Variants in FBXL17 observed in about 807,000 individuals in gnomAD.
FBXL17 encodes the protein F-box and leucine rich repeat protein 17.
In FBXL17, 22 loss-of-function variants were observed where a neutral mutation model predicts 66.2. The observed-to-expected ratio is 0.33, with a 90% CI of 0.24 to 0.47. FBXL17 has a LOEUF of 0.47. Ranked by LOEUF, FBXL17 falls within the 20% of genes least tolerant of loss-of-function variation. The probability of loss-of-function intolerance (pLI) is 1.00; values close to 1 mark genes in which losing one functional copy is unlikely to be tolerated. For synonymous variants in FBXL17, 474 were observed against 400.5 expected (o/e 1.18, Z -2.19); for missense variants, 878 against 948.2 (o/e 0.93, Z 0.97).
chr5:107,995,147 A>T (rs1753420561), intron 7 of FBXL17, among the ~76,000 whole-genome samples: 1 of 152,210 alleles, frequency 6.6e-6, no homozygotes, highest in Admixed American at 6.5e-5. Context: ...AAGATTTTTA[A>T]AGCAGAAAAA....
At chr5:108,377,620 AT>A (rs1451334315) in intron 1 of FBXL17, among the ~76,000 whole-genome samples, 1 of 152,070 alleles carries the variant, frequency 6.6e-6, no homozygotes, top group Non-Finnish European at 1.5e-5. Flanking sequence ...TTTCTCAATG[AT>A]TTTCTTTGCT....
chr5:108,105,654 CATTT>C (rs1749767467), intron 6 of FBXL17, among the ~76,000 whole-genome samples: 2 of 152,190 alleles, frequency 1.3e-5, no homozygotes, highest in Non-Finnish European at 2.9e-5. Flanking sequence ...TTATCTACTT[CATTT>C]ATTATCCTAG....
At chr5:108,093,721 G>A (rs1749270845) in intron 6 of FBXL17, among the ~76,000 whole-genome samples, 1 of 152,120 alleles carries the variant, frequency 6.6e-6, no homozygotes, top group South Asian at 2.1e-4. Flanking sequence ...GCAGACCTCA[G>A]AATTAAGTGG....
intron 8 of FBXL17, among the ~76,000 whole-genome samples, chr5:107,873,741 T>C (rs1267720019): frequency 6.6e-6 from 1 of 152,188 alleles, no homozygotes; most frequent in Non-Finnish European, 1.5e-5. Flanking sequence ...AATAATATGA[T>C]CCTACAATCT....
At chr5:108,174,748 CA>C (rs34237156) in intron 6 of FBXL17, among the ~76,000 whole-genome samples, 32,326 of 92,134 alleles carry the variant, frequency 0.35, 3,996 homozygotes, top group East Asian at 0.51. Flanking sequence ...CACAAAGAAG[CA>C]AAAAAAAAAA....
At chr5:108,135,271 C>CT (rs1447819252) in intron 6 of FBXL17, among the ~76,000 whole-genome samples, 14 of 152,096 alleles carry the variant, frequency 9.2e-5, no homozygotes, top group Admixed American at 6.6e-5. Context: ...CAAAACACTC[C>CT]TTATAACAGC....
rs192994490 is a variant in FBXL17, at chr5:107,876,425, C to T, written c.1965+4612G>A. Among the ~76,000 whole-genome samples the T allele has an allele frequency of 1.8e-3, 273 of 152,310 alleles. 1 individual carries two copies. Among genetic ancestry groups the T allele is most frequent in the Admixed American group, 3.5e-3 (54 of 15,304 alleles). On this transcript the variant is annotated intron_variant, in intron 8 of 8. Transcript: ENST00000542267. The stretch of plus-strand genomic sequence containing the variant: ...AGCATTTCTCCATCCAACTGCTTTT[C>T]ACAAGGGTTTGGCATTTGAGAATTG...
chr5:108,304,527 A>G (rs900150490), intron 4 of FBXL17, among the ~76,000 whole-genome samples: 2 of 152,000 alleles, frequency 1.3e-5, no homozygotes, highest in African/African-American at 4.8e-5. Flanking sequence ...AAACAAATAG[A>G]TACACCTATC....
At chr5:107,942,306 A>C (rs1751132981) in intron 7 of FBXL17, among the ~76,000 whole-genome samples, 1 of 152,166 alleles carries the variant, frequency 6.6e-6, no homozygotes, top group Admixed American at 6.6e-5. Context: ...AGAGACCATG[A>C]CATTTCAAGG....
chr5:108,268,677 A>G (rs1338999649), intron 4 of FBXL17, among the ~76,000 whole-genome samples: 1 of 152,148 alleles, frequency 6.6e-6, no homozygotes, highest in East Asian at 1.9e-4. Flanking sequence ...AGATATTTAC[A>G]TACTACTCAA....
At chr5:108,245,727 T>C (rs760055625) in intron 4 of FBXL17, among the ~76,000 whole-genome samples, 10 of 152,178 alleles carry the variant, frequency 6.6e-5, no homozygotes, top group Non-Finnish European at 1.5e-4. Context: ...TTTGTCACTT[T>C]TGGCAGAGAG....
chr5:108,100,357 C>T (rs1749553525), intron 6 of FBXL17, among the ~76,000 whole-genome samples: 1 of 152,080 alleles, frequency 6.6e-6, no homozygotes, highest in South Asian at 2.1e-4. Context: ...TAAGAATGTG[C>T]ATGTATGCAT....
At chr5:107,962,375 A>G (rs1751949038) in intron 7 of FBXL17, among the ~76,000 whole-genome samples, 1 of 152,198 alleles carries the variant, frequency 6.6e-6, no homozygotes, top group African/African-American at 2.4e-5. Flanking sequence ...ATAACATTCT[A>G]GTATATAAAT....
At chr5:107,951,421 A>G (rs1312606081) in intron 7 of FBXL17, among the ~76,000 whole-genome samples, 1 of 152,232 alleles carries the variant, frequency 6.6e-6, no homozygotes, top group Non-Finnish European at 1.5e-5. Flanking sequence ...CTGCCAGTGC[A>G]TTCTGGCAGA....
intron 7 of FBXL17, among the ~76,000 whole-genome samples, chr5:107,899,650 C>A (rs767257682): frequency 2.6e-5 from 4 of 152,050 alleles, no homozygotes; most frequent in Non-Finnish European, 5.9e-5. Context: ...GAAGTTGGTG[C>A]CCCTACACAT....
chr5:108,218,474 T>A (rs1432492773), intron 5 of FBXL17, among the ~76,000 whole-genome samples: 1 of 152,190 alleles, frequency 6.6e-6, no homozygotes, highest in Admixed American at 6.5e-5. Flanking sequence ...TATGGCAGTT[T>A]TATTTTTAAT....
chr5:108,311,374 G>A (rs1231732511), intron 4 of FBXL17, among the ~76,000 whole-genome samples: 1 of 152,004 alleles, frequency 6.6e-6, no homozygotes, highest in Non-Finnish European at 1.5e-5. Context: ...GTTCCACCAT[G>A]TTGGCCAGGC....
At chr5:107,861,935 C>T in intron 8 of FBXL17, 75 bp from the exon 9 acceptor site, 1 of 1,365,780 alleles carries the variant, frequency 7.3e-7, no homozygotes, top group South Asian at 2.0e-5. Flanking sequence ...CACTGATGTG[C>T]TGCAGCTGGC....
At chr5:107,939,976 GAAT>G (rs1415625678) in intron 7 of FBXL17, among the ~76,000 whole-genome samples, 2 of 152,098 alleles carry the variant, frequency 1.3e-5, no homozygotes, top group Non-Finnish European at 2.9e-5. Context: ...GGGGTAATAA[GAAT>G]AATAACAGTG....
Sources: gnomAD v4.1 joint callset for allele counts (sites outside exome capture counted in the v4.1 genomes callset) on GRCh38, gnomAD v4.1.1 for gene constraint, MANE v1.5 for transcripts, NCBI Gene and HGNC (gene_info 2026-07-23, HGNC 2026-07-21) for gene names.